AADACL3: variants seen among roughly 807,000 people sequenced by gnomAD.
AADACL3 encodes arylacetamide deacetylase-like 3.
In AADACL3, 13 loss-of-function variants were observed where a neutral mutation model predicts 13.6. The ratio of observed to expected loss-of-function variants is 0.95; its 90% CI spans 0.62 to 1.52. The LOEUF (loss-of-function observed/expected upper bound fraction) is 1.52. Among genes scored for constraint, AADACL3 ranks in the 40% most tolerant of loss-of-function variants. The pLI, the probability that AADACL3 is intolerant of heterozygous loss-of-function variation, is 0.00. For synonymous variants in AADACL3, 195 were observed against 197.0 expected, an observed-to-expected ratio of 0.99 and a Z score of 0.08; for missense variants, 519 against 499.2, an observed-to-expected ratio of 1.04 and a Z score of -0.38.
intron 3 of AADACL3, among the ~76,000 whole-genome samples, chr1:12,723,845 G>A (rs1375231615): frequency 1.4e-5 from 2 of 145,654 alleles, no homozygotes; most frequent in African/African-American, 2.6e-5. Context: ...GTGCAAGAGC[G>A]CGATCTCGGC....
rs1029123086 is a variant in AADACL3 at position 12,726,957 on chromosome 1, C to T, written c.*961C>T. On this transcript the variant is annotated 3_prime_UTR_variant, in exon 4 of 4. Transcript: ENST00000359318. ...GGATGCATGCTAGGCATACATCAGGCAAGGTTTGATCCAGGAACTCACACA... is the reference window on the plus strand; with the variant it reads ...GGATGCATGCTAGGCATACATCAGGTAAGGTTTGATCCAGGAACTCACACA... The T allele has an allele frequency of 1.3e-5, 2 of 152,398 alleles. No individual in the cohort carries two copies. Among genetic ancestry groups the T allele is most frequent in the East Asian group, 1.9e-4 (1 of 5,190 alleles). The allele number at this position is 152,398 out of a possible 1,614,324, so 9.4% of individuals were successfully genotyped here.
In AADACL3 at chr1:12,728,592, T is replaced by C. The variant is rs1023131953; in HGVS notation, c.*2596T>C. ...GTGGGTTTTCTCTGAGTTCTCCAGCTTCCTCCCACATTCCAAAGATGTGTA... is the reference window on the plus strand; with the variant it reads ...GTGGGTTTTCTCTGAGTTCTCCAGCCTCCTCCCACATTCCAAAGATGTGTA... On this transcript the variant is annotated 3_prime_UTR_variant, in exon 4 of 4. Coordinates refer to ENST00000359318, the MANE Select transcript of AADACL3 (RefSeq NM_001103170.3). 3.9e-5 allele frequency: 6 copies of C among 152,320 alleles called. No homozygotes were observed. Among genetic ancestry groups the C allele is most frequent in the African/African-American group, 1.4e-4 (6 of 41,462 alleles). The allele number at this position is 152,320 out of a possible 1,614,324, so 9.4% of individuals were successfully genotyped here. A position where few individuals can be genotyped will look rare whatever the true frequency, so the allele number is the denominator to read the frequency against.
At chr1:12,720,252 T>C (rs116038715) in intron 2 of AADACL3, among the ~76,000 whole-genome samples, 2,121 of 152,278 alleles carry the variant, frequency 0.014, 18 homozygotes, top group Non-Finnish European at 0.02. Flanking sequence ...AACACCTTTA[T>C]TTGCTTTCAG....
At position 12,725,299 on chromosome 1, in the gene AADACL3, C is replaced by T. The variant is rs1433211576; in HGVS notation, c.527C>T (p.Ser176Phe). 2 of 1,614,088 alleles carry T rather than the reference C, an allele frequency of 1.2e-6. No homozygotes were observed. The highest frequency in any genetic ancestry group is 2.2e-5 in the South Asian group (2 of 91,066). Residue 176 changes from serine to phenylalanine, a missense_variant, in exon 4 of 4, where the codon TCC becomes TTC. Ser to Phe is a radical substitution (Grantham distance 155, BLOSUM62 -2). Coordinates refer to ENST00000359318, the MANE Select transcript of AADACL3 (RefSeq NM_001103170.3). ...GTGGCCACCATCCACTTCCTGAAGT[C>T]CCTGGATGCATATGGAGTGGATCCA... is the stretch of plus-strand genomic sequence containing the variant. ...CLVATIHFLK[S>F]LDAYGVDPAR...
At chr1:12,724,787 C>T (rs1214226192) in intron 3 of AADACL3, among the ~76,000 whole-genome samples, 1 of 152,222 alleles carries the variant, frequency 6.6e-6, no homozygotes, top group African/African-American at 2.4e-5. Flanking sequence ...GCCTGGCCAA[C>T]CTGCTGTATT....
chr1:12,723,496 G>C (rs139407402), intron 3 of AADACL3, among the ~76,000 whole-genome samples: 2 of 151,714 alleles, frequency 1.3e-5, no homozygotes, highest in African/African-American at 4.8e-5. Context: ...TTTTGTTTTT[G>C]AGATGGGATC....
At position 12,726,068 on chromosome 1, in the gene AADACL3, G is replaced by A; in HGVS notation, c.*72G>A. 6.6e-7 allele frequency: 1 copy of A among 1,513,106 alleles called. No individual in the cohort carries two copies. The allele number at this position is 1,513,106 out of a possible 1,614,324, so 93.7% of individuals were successfully genotyped here. On this transcript the variant is annotated 3_prime_UTR_variant, in exon 4 of 4. Transcript: ENST00000359318. ...CCAGCCTCCCACAGGGCTCTCTGTTGCTGATTTAGGTGGTGCATAGTGGGG... is the reference window on the plus strand; with the variant it reads ...CCAGCCTCCCACAGGGCTCTCTGTTACTGATTTAGGTGGTGCATAGTGGGG...
intron 3 of AADACL3, among the ~76,000 whole-genome samples, chr1:12,723,175 C>A (rs6698872): frequency 1.3e-5 from 2 of 151,646 alleles, no homozygotes; most frequent in Non-Finnish European, 2.9e-5. Context: ...CCTGCCCTAA[C>A]CTTCTAAATA....
Position 12,725,459 on chromosome 1 carries a change from T to A in AADACL3, c.687T>A (p.Asp229Glu). 6.2e-7 allele frequency: 1 copy of A among 1,613,994 alleles called. No homozygotes were observed. The highest frequency in any genetic ancestry group is 8.5e-7 in the Non-Finnish European group (1 of 1,179,976). ...ILIYAILQALDLQTPSFQQRK... is the reference protein window; with the variant it reads ...ILIYAILQALELQTPSFQQRK... ...TCTATGCCATTCTCCAAGCCCTGGA[T>A]TTACAAACCCCTTCGTTTCAACAGA... is the stretch of plus-strand genomic sequence containing the variant. Residue 229 changes from aspartate to glutamate, a missense_variant, in exon 4 of 4, where the codon GAT becomes GAA. Coordinates refer to ENST00000359318, the MANE Select transcript of AADACL3 (RefSeq NM_001103170.3).
intron 3 of AADACL3, among the ~76,000 whole-genome samples, chr1:12,721,573 T>C (rs2100211700): frequency 6.6e-6 from 1 of 152,244 alleles, no homozygotes; most frequent in African/African-American, 2.4e-5. Context: ...TTTTAAGCAG[T>C]TCAGGTGCAG....
At position 12,719,455 on chromosome 1, in the gene AADACL3, A is replaced by G. The variant is rs1648517255; in HGVS notation, c.169-20A>G. 6.2e-7 allele frequency: 1 copy of G among 1,607,640 alleles called. No homozygotes were observed. The highest frequency in any genetic ancestry group is 1.3e-5 in the African/African-American group (1 of 74,810). On this transcript the variant is annotated intron_variant, in intron 1 of 3. Coordinates refer to ENST00000359318, the MANE Select transcript of AADACL3 (RefSeq NM_001103170.3). The stretch of plus-strand genomic sequence containing the variant: ...GTGAAGAAACCCATCTCGACCCATC[A>G]TTTCTTCTCTCTCCAACAGGGGATG...
intron 1 of AADACL3, among the ~76,000 whole-genome samples, chr1:12,718,648 C>A (rs1648494198): frequency 6.6e-6 from 1 of 152,098 alleles, no homozygotes; most frequent in South Asian, 2.1e-4. Flanking sequence ...AGGAGCCCAC[C>A]ACCACACCCA....
At chr1:12,720,830 T>C in intron 2 of AADACL3, 53 bp from the exon 3 acceptor site, 1 of 1,509,268 alleles carries the variant, frequency 6.6e-7, no homozygotes, top group Admixed American at 1.7e-5. Flanking sequence ...ACGGTGACAA[T>C]GGCTGGCAAA....
intron 3 of AADACL3, among the ~76,000 whole-genome samples, chr1:12,723,967 A>T (rs1297333129): frequency 3.3e-5 from 5 of 151,330 alleles, no homozygotes; most frequent in Non-Finnish European, 2.9e-5. Flanking sequence ...TATTTTTAGT[A>T]GAGACGGGGT....
Position 12,716,336 on chromosome 1 carries a change from T to G in AADACL3, c.160T>G (p.Leu54Val). 1.2e-6 allele frequency: 2 copies of G among 1,614,194 alleles called. No individual in the cohort carries two copies. The highest frequency in any genetic ancestry group is 1.7e-6 in the Non-Finnish European group (2 of 1,180,012). ...CCTCCATTGCATCTTCCAGCTGCTGTTGACTTGGGTGAGTTTTGTGCTTTA... is the reference window on the plus strand; with the variant it reads ...CCTCCATTGCATCTTCCAGCTGCTGGTGACTTGGGTGAGTTTTGTGCTTTA... ...RVLHCIFQLL[L>V]TWGMIFEKLR... Residue 54 changes from leucine (L) to valine (V), a missense_variant, in exon 1 of 4, where the codon TTG becomes GTG. By Grantham distance (32) the Leu-to-Val change is conservative (BLOSUM62 1). Coordinates refer to ENST00000359318, the MANE Select transcript of AADACL3 (RefSeq NM_001103170.3).
In AADACL3 at chr1:12,719,543, T is replaced by G. The variant is rs200596255; in HGVS notation, c.237T>G (p.Pro79=). 3.7e-6 allele frequency: 6 copies of G among 1,614,008 alleles called. No individual in the cohort carries two copies. In the Admixed American group the frequency reaches 1.0e-4, roughly 27 times the overall value. ...TTTTCTGTTTCATGCAAGATCTGCCTCCGCTAAAGTATGACCCCGATGTTG... is the reference window on the plus strand; with the variant it reads ...TTTTCTGTTTCATGCAAGATCTGCCGCCGCTAAAGTATGACCCCGATGTTG... ...PQFFCFMQDL[P]PLKYDPDVVV... The change falls in exon 2 of 4, where the codon CCT becomes CCG. Residue 79 remains proline, a synonymous_variant. Coordinates refer to ENST00000359318, the MANE Select transcript of AADACL3 (RefSeq NM_001103170.3).
intron 1 of AADACL3, among the ~76,000 whole-genome samples, chr1:12,716,693 A>G (rs1024438467): frequency 6.6e-6 from 1 of 152,238 alleles, no homozygotes; most frequent in Non-Finnish European, 1.5e-5. Flanking sequence ...TAAAATATGC[A>G]TATAAAATTT....
At chr1:12,720,281 G>A (rs1032385742) in intron 2 of AADACL3, among the ~76,000 whole-genome samples, 2 of 152,294 alleles carry the variant, frequency 1.3e-5, no homozygotes, top group South Asian at 2.1e-4. Context: ...TCTAATCTGT[G>A]GAATGCCAGG....
At chr1:12,716,474 C>T in intron 1 of AADACL3, 130 bp downstream of exon 1, 1 of 1,313,870 alleles carries the variant, frequency 7.6e-7, no homozygotes, top group East Asian at 2.3e-5. Flanking sequence ...CTGATCAGAC[C>T]TTCTGAAATG....
Sources: gnomAD v4.1 joint callset for allele counts (sites outside exome capture counted in the v4.1 genomes callset) on GRCh38, gnomAD v4.1.1 for gene constraint, MANE v1.5 for transcripts, NCBI Gene and HGNC (gene_info 2026-07-23, HGNC 2026-07-21) for gene names.